MARCHF10: variants seen among roughly 807,000 people sequenced by gnomAD.
MARCHF10 encodes the protein probable E3 ubiquitin-protein ligase MARCHF10.
MARCHF10 carries 64 observed loss-of-function variants against 76.2 expected under a neutral mutation model. The ratio of observed to expected loss-of-function variants is 0.84; its 90% confidence interval spans 0.69 to 1.03. The LOEUF is 1.03. MARCHF10 is among the 50% of genes least tolerant of loss of function. The probability of loss-of-function intolerance (pLI) is 0.00; values close to 1 mark genes in which losing one functional copy is unlikely to be tolerated. For missense variants in MARCHF10, 875 were observed against 958.0 expected (o/e 0.91, Z 1.14); for synonymous variants, 340 against 357.5 (o/e 0.95, Z 0.55).
rs749602678 is a variant in MARCHF10, at chr17:62,701,673, C to T, written c.*30G>A. The T allele has an allele frequency of 6.2e-7, 1 of 1,613,760 alleles. No homozygotes were observed. On this transcript the variant is annotated 3_prime_UTR_variant, in exon 11 of 11. Coordinates refer to ENST00000311269, the MANE Select transcript of MARCHF10 (RefSeq NM_152598.4). ...AGAAAGAAGGGCTGGCGGGAGAGGTCTCCGCCGAGCTCCACAGTTGGCTTC... is the reference window on the plus strand; with the variant it reads ...AGAAAGAAGGGCTGGCGGGAGAGGTTTCCGCCGAGCTCCACAGTTGGCTTC...
chr17:62,798,794 G>C (rs536012131), intron 2 of MARCHF10, among the ~76,000 whole-genome samples: 1 of 152,308 alleles, frequency 6.6e-6, no homozygotes, highest in Admixed American at 6.5e-5. Flanking sequence ...GCACGTTCGT[G>C]GACTGAGCCA....
intron 4 of MARCHF10, among the ~76,000 whole-genome samples, chr17:62,751,852 C>T (rs1437303841): frequency 6.6e-6 from 1 of 152,108 alleles, no homozygotes; most frequent in Non-Finnish European, 1.5e-5. Flanking sequence ...GAAACCCCAT[C>T]TCTACTAAAA....
chr17:62,753,305 T>C (rs148756292), intron 4 of MARCHF10, among the ~76,000 whole-genome samples: 242 of 151,912 alleles, frequency 1.6e-3, no homozygotes, highest in African/African-American at 5.6e-3. Context: ...TGGGGTTTCA[T>C]CATGTTGACC....
rs1382897935 is a variant in MARCHF10 at position 62,738,541 on chromosome 17, C to T, written c.536-1209G>A. Among the ~76,000 whole-genome samples, 1 of 152,132 alleles carries T rather than the reference C, an allele frequency of 6.6e-6. No homozygotes were observed. The highest frequency in any genetic ancestry group is 1.9e-4 in the East Asian group (1 of 5,190). On this transcript the variant is annotated intron_variant, in intron 5 of 10. Transcript: ENST00000311269. This position sits in a 1 kb window ranked among gnomAD's most constrained non-coding sequence, Gnocchi z 4.0. Reference sequence around the variant, plus strand: ...ATCATTCCATTTCTAAAGCGGTTCACCCTGTAGAGTGGACGGGACTCCACG... The same window carrying T: ...ATCATTCCATTTCTAAAGCGGTTCATCCTGTAGAGTGGACGGGACTCCACG...
intron 4 of MARCHF10, among the ~76,000 whole-genome samples, chr17:62,749,806 T>A (rs764179712): frequency 6.6e-6 from 1 of 152,202 alleles, no homozygotes; most frequent in South Asian, 2.1e-4. Context: ...TTGGTTCCAG[T>A]GTGTGCCTTC....
At chr17:62,779,122 G>C (rs1289186703) in intron 3 of MARCHF10, among the ~76,000 whole-genome samples, 1 of 152,176 alleles carries the variant, frequency 6.6e-6, no homozygotes, top group Non-Finnish European at 1.5e-5. Flanking sequence ...TGCACCTCGA[G>C]GGCGCAGAAT....
chr17:62,783,327 A>G (rs1267140119), intron 3 of MARCHF10, among the ~76,000 whole-genome samples: 2 of 151,820 alleles, frequency 1.3e-5, no homozygotes, highest in Admixed American at 1.3e-4. Context: ...TTTGAAACCA[A>G]TGAGAACAAA....
chr17:62,752,246 C>G (rs911632262), intron 4 of MARCHF10, among the ~76,000 whole-genome samples: 2 of 152,168 alleles, frequency 1.3e-5, no homozygotes, highest in African/African-American at 4.8e-5. Context: ...CCCAACATCT[C>G]TCTTCTTACT....
At chr17:62,789,411 T>C (rs1433810348) in intron 2 of MARCHF10, among the ~76,000 whole-genome samples, 1 of 152,234 alleles carries the variant, frequency 6.6e-6, no homozygotes, top group Non-Finnish European at 1.5e-5. Context: ...AAAAGCCTGC[T>C]GCTGTGGCCT....
At chr17:62,780,775 A>G (rs528256510) in intron 3 of MARCHF10, among the ~76,000 whole-genome samples, 1 of 152,150 alleles carries the variant, frequency 6.6e-6, no homozygotes, top group Non-Finnish European at 1.5e-5. Flanking sequence ...CGTCCTTTCC[A>G]GTGAGGATAC....
At chr17:62,715,765 C>T (rs931161010) in intron 8 of MARCHF10, among the ~76,000 whole-genome samples, 7 of 152,188 alleles carry the variant, frequency 4.6e-5, no homozygotes, top group African/African-American at 1.4e-4. Context: ...CTGATCTAGC[C>T]GCTTGAGGCC....
chr17:62,704,915 C>T (rs2147535313), intron 10 of MARCHF10: 2 of 984,896 alleles, frequency 2.0e-6, no homozygotes, highest in Middle Eastern at 5.2e-4. Context: ...TTCGAGCCCG[C>T]CTGCTTTATT....
Position 62,802,618 on chromosome 17 carries a change from G to A in MARCHF10, c.-17-866C>T, listed in dbSNP as rs970735739. On this transcript the variant is annotated intron_variant, in intron 1 of 10. Transcript: ENST00000311269. ...CAGAACTATGCGGCTCTTTGAGAGC[G>A]TTATTATGGGAGGGCATAACCTGGT... 2.6e-5 allele frequency among the ~76,000 whole-genome samples: 4 copies of A among 152,310 alleles called. No homozygotes were observed. In the South Asian group the frequency reaches 8.3e-4, roughly 32 times the overall value.
chr17:62,764,356 C>T (rs1276983155), intron 3 of MARCHF10, among the ~76,000 whole-genome samples: 6 of 152,048 alleles, frequency 3.9e-5, no homozygotes, highest in South Asian at 4.2e-4. Context: ...TGATGTGTAC[C>T]GAACCCATCT....
In MARCHF10 at chr17:62,759,826, G is replaced by A; in HGVS notation, c.382+9C>T. The A allele has an allele frequency of 6.2e-7, 1 of 1,610,222 alleles. No individual in the cohort carries two copies. Among genetic ancestry groups the A allele is most frequent in the African/African-American group, 1.3e-5 (1 of 74,762 alleles). On this transcript the variant is annotated intron_variant, in intron 4 of 10. Transcript: ENST00000311269. Reference sequence around the variant, plus strand: ...AGATCTGATGAATTTCAATAAGCCAGCCACTCACCTGGAGAGGGTTCGCTG... The same window carrying A: ...AGATCTGATGAATTTCAATAAGCCAACCACTCACCTGGAGAGGGTTCGCTG...
rs1346953112 is a variant in MARCHF10 at position 62,736,901 on chromosome 17, A to T, written c.967T>A (p.Ser323Thr). Residue 323 changes from serine (S) to threonine (T), a missense_variant, in exon 6 of 11, where the codon TCG becomes ACG. Coordinates refer to ENST00000311269, the MANE Select transcript of MARCHF10 (RefSeq NM_152598.4). ...TTTTTATTTTTGGCCTGAGGGGTCGATGTCCCCCCAAATCTACTTCTTTTG... is the reference window on the plus strand; with the variant it reads ...TTTTTATTTTTGGCCTGAGGGGTCGTTGTCCCCCCAAATCTACTTCTTTTG... ...HHKRSRFGGTSTPQAKNKNFE... is the reference protein window; with the variant it reads ...HHKRSRFGGTTTPQAKNKNFE... 6 of 1,613,998 alleles carry T rather than the reference A, an allele frequency of 3.7e-6. No homozygotes were observed. The highest frequency in any genetic ancestry group is 5.1e-6 in the Non-Finnish European group (6 of 1,179,970).
chr17:62,735,163 G>A (rs561175365), intron 6 of MARCHF10: 1 of 152,084 alleles, frequency 6.6e-6, no homozygotes, highest in Admixed American at 6.5e-5. Context: ...ACACAAAGAG[G>A]GCTCAAATTC....
At chr17:62,801,219 C>T (rs893003746) in intron 2 of MARCHF10, among the ~76,000 whole-genome samples, 17 of 152,180 alleles carry the variant, frequency 1.1e-4, no homozygotes, top group Admixed American at 8.5e-4. Flanking sequence ...AGTGCAGTGG[C>T]GCGATCTCGG....
In MARCHF10 at chr17:62,773,293, A is replaced by G. The variant is rs575841528; in HGVS notation, c.211-13287T>C. On this transcript the variant is annotated intron_variant, in intron 3 of 10. Transcript: ENST00000311269. ...GGGGCTGGTGACCAAGCAAATGGAC[A>G]GCTGCTGTGAGGTCAAGCACAGTGA... is the stretch of plus-strand genomic sequence containing the variant. 1.6e-3 allele frequency among the ~76,000 whole-genome samples: 248 copies of G among 152,308 alleles called. 1 individual carries two copies. Among genetic ancestry groups the G allele is most frequent in the Middle Eastern group, 3.4e-3 (1 of 294 alleles).
Sources: gnomAD v4.1 joint callset for allele counts (sites outside exome capture counted in the v4.1 genomes callset) on GRCh38, gnomAD v4.1.1 for gene constraint, Gnocchi (gnomAD v3.1) non-coding constraint, MANE v1.5 for transcripts, NCBI Gene and HGNC (gene_info 2026-07-23, HGNC 2026-07-21) for gene names.